SLC39A10: variants seen among roughly 807,000 people sequenced by gnomAD.
SLC39A10 encodes solute carrier family 39 member 10, also known as zinc transporter ZIP10.
Under a neutral mutation model 65.1 loss-of-function variants are expected in SLC39A10, and 13 were observed. The observed-to-expected ratio is 0.20, with a 90% CI of 0.13 to 0.32. The LOEUF (loss-of-function observed/expected upper bound fraction) is 0.32. SLC39A10 is among the 10% of genes least tolerant of loss of function. SLC39A10 has a pLI of 1.00. For synonymous variants in SLC39A10, 321 were observed against 342.2 expected (o/e 0.94, Z 0.68); for missense variants, 831 against 1,018.4 (o/e 0.82, Z 2.50).
chr2:195,660,207 A>G (rs1485591346), intron 1 of SLC39A10, among the ~76,000 whole-genome samples: 3 of 152,178 alleles, frequency 2.0e-5, no homozygotes, highest in Non-Finnish European at 2.9e-5. Context: ...TTGTGTTTAT[A>G]TAGTGCTTAC....
chr2:195,722,621 AG>A (rs1399124156), intron 8 of SLC39A10, among the ~76,000 whole-genome samples: 5 of 152,226 alleles, frequency 3.3e-5, no homozygotes, highest in Non-Finnish European at 7.3e-5. Context: ...TCCCAAGCAC[AG>A]GGAAAATCAT....
intron 2 of SLC39A10, among the ~76,000 whole-genome samples, chr2:195,627,037 A>T (rs1688488579): frequency 6.6e-6 from 1 of 152,190 alleles, no homozygotes; most frequent in South Asian, 2.1e-4. Context: ...ATTCATGATT[A>T]TGCATCAGTA....
At chr2:195,684,993 T>C (rs924322764) in intron 3 of SLC39A10, among the ~76,000 whole-genome samples, 2 of 152,214 alleles carry the variant, frequency 1.3e-5, no homozygotes, top group African/African-American at 4.8e-5. Flanking sequence ...TAGGTAATGT[T>C]ACTCTTCCCA....
intron 2 of SLC39A10, among the ~76,000 whole-genome samples, chr2:195,631,166 A>G (rs571168364): frequency 6.6e-5 from 10 of 152,056 alleles, no homozygotes; most frequent in Non-Finnish European, 1.2e-4. Flanking sequence ...AGCCTGGGAG[A>G]CAGAGTGAGA....
chr2:195,657,318 C>G (rs1689182037), intron 1 of SLC39A10, 37 bp downstream of exon 1: 2 of 918,876 alleles, frequency 2.2e-6, no homozygotes, highest in Non-Finnish European at 2.6e-6. Flanking sequence ...CATTCCCTCC[C>G]CCAGAACCGG....
At chr2:195,649,052 A>G (rs1480484336) in intron 2 of SLC39A10, among the ~76,000 whole-genome samples, 1 of 152,222 alleles carries the variant, frequency 6.6e-6, no homozygotes, top group Non-Finnish European at 1.5e-5. Context: ...GCCAAGCATG[A>G]TGGGTCGCTA....
intron 2 of SLC39A10, among the ~76,000 whole-genome samples, chr2:195,650,921 A>T (rs756826243): frequency 2.2e-4 from 5 of 22,506 alleles, no homozygotes; most frequent in Non-Finnish European, 4.6e-4. Context: ...AGGAGTTTAA[A>T]AAAAAAAAAA....
chr2:195,729,475 A>T (rs1692362625), intron 9 of SLC39A10, among the ~76,000 whole-genome samples: 1 of 152,186 alleles, frequency 6.6e-6, no homozygotes, highest in Admixed American at 6.5e-5. Flanking sequence ...CACCGAAGCT[A>T]TCAATCCACA....
intron 3 of SLC39A10, among the ~76,000 whole-genome samples, chr2:195,689,573 T>C (rs912424544): frequency 6.6e-6 from 1 of 152,282 alleles, no homozygotes; most frequent in Admixed American, 6.5e-5. Flanking sequence ...GTAACAAAAT[T>C]TGTCATTTTA....
intron 1 of SLC39A10, among the ~76,000 whole-genome samples, chr2:195,660,588 A>C (rs1219713185): frequency 6.6e-6 from 1 of 152,190 alleles, no homozygotes; most frequent in East Asian, 1.9e-4. Context: ...TCCTCTGGGT[A>C]GTTAGTGTTG....
intron 3 of SLC39A10, among the ~76,000 whole-genome samples, chr2:195,701,095 A>G (rs1178573980): frequency 1.6e-5 from 2 of 123,166 alleles, no homozygotes; most frequent in African/African-American, 6.3e-5. Context: ...TCCAGGTCCC[A>G]TAGGCTCTGT....
At chr2:195,657,657 G>A (rs1409696991) in intron 1 of SLC39A10, 9 of 983,830 alleles carry the variant, frequency 9.1e-6, no homozygotes, top group Non-Finnish European at 1.1e-5. Flanking sequence ...AGTGACCGCT[G>A]GGCGGGTGGC....
At chr2:195,628,852 A>G (rs1688524316) in intron 2 of SLC39A10, among the ~76,000 whole-genome samples, 1 of 152,208 alleles carries the variant, frequency 6.6e-6, no homozygotes, top group South Asian at 2.1e-4. Context: ...ATGTAATCTA[A>G]AATGCTGACA....
intron 3 of SLC39A10, among the ~76,000 whole-genome samples, chr2:195,696,128 C>G (rs1362602754): frequency 6.6e-6 from 1 of 152,100 alleles, no homozygotes; most frequent in East Asian, 1.9e-4. Flanking sequence ...GCTCTCTCTT[C>G]TATTCCATTG....
chr2:195,695,733 A>G (rs1574282020), intron 3 of SLC39A10, among the ~76,000 whole-genome samples: 1 of 152,210 alleles, frequency 6.6e-6, no homozygotes, highest in East Asian at 1.9e-4. Context: ...CCAGCCGCCT[A>G]TCCGCCATCT....
At chr2:195,619,593 T>C (rs191909226) in intron 2 of SLC39A10, among the ~76,000 whole-genome samples, 1 of 152,204 alleles carries the variant, frequency 6.6e-6, no homozygotes. Flanking sequence ...ACACGAGGAA[T>C]GTACTCAAGG....
rs765705558 is a variant in SLC39A10 at position 195,680,904 on chromosome 2, C to T, written c.862C>T (p.His288Tyr). Residue 288 changes from histidine (H) to tyrosine (Y), a missense_variant, in exon 2 of 10, where the codon CAT (histidine) becomes TAT (tyrosine). Coordinates refer to ENST00000359634, the MANE Select transcript of SLC39A10 (RefSeq NM_020342.3). ...TGTACATCTTCCAGAACGTAATGGTCATGATCCTGGTCGTGGACACCAAGA... is the reference window on the plus strand; with the variant it reads ...TGTACATCTTCCAGAACGTAATGGTTATGATCCTGGTCGTGGACACCAAGA... The part of the protein sequence containing the change: ...SHVHLPERNG[H>Y]DPGRGHQDLD... The T allele has an allele frequency of 1.5e-4, 249 of 1,613,922 alleles. No homozygotes were observed. The highest frequency in any genetic ancestry group is 2.0e-4 in the Non-Finnish European group (234 of 1,180,028).
At chr2:195,731,704 G>A (rs1038122850) in intron 9 of SLC39A10, among the ~76,000 whole-genome samples, 2 of 152,186 alleles carry the variant, frequency 1.3e-5, no homozygotes, top group Non-Finnish European at 2.9e-5. Context: ...CACCATGTTT[G>A]TGGAACTACA....
Position 195,728,478 on chromosome 2 carries a change from T to G in SLC39A10, c.2337+129T>G, listed in dbSNP as rs1692323044. 8.1e-6 allele frequency: 7 copies of G among 859,956 alleles called. No individual in the cohort carries two copies. The highest frequency in any genetic ancestry group is 1.2e-5 in the Non-Finnish European group (7 of 583,592). 53.3% of individuals were successfully genotyped at this position (859,956 alleles called of 1,614,324 possible). ...AGACATAATATCCTAAATAATCTCT[T>G]AAGGAAGGACATTTAAGTAGGAGGT... On this transcript the variant is annotated intron_variant, in intron 9 of 9. Transcript: ENST00000359634. The surrounding 1 kb of genome is among the most constrained non-coding windows in gnomAD (Gnocchi z 4.4).
Sources: allele counts gnomAD v4.1 joint callset (sites outside exome capture counted in the v4.1 genomes callset), GRCh38; gene constraint gnomAD v4.1.1; non-coding constraint Gnocchi (gnomAD v3.1); transcripts MANE v1.5; gene names NCBI Gene and HGNC (gene_info 2026-07-23, HGNC 2026-07-21).